Variants in DOCK10 observed in about 807,000 individuals in gnomAD.
The protein encoded by DOCK10 is dedicator of cytokinesis 10.
In DOCK10, 145 loss-of-function variants were observed where a neutral mutation model predicts 280.1. The ratio of observed to expected loss-of-function variants is 0.52; its 90% CI spans 0.45 to 0.59. The LOEUF (loss-of-function observed/expected upper bound fraction) is 0.59, where lower values mean the gene tolerates loss of function less well. Ranked by LOEUF, DOCK10 falls within the 20% of genes least tolerant of loss-of-function variation. The pLI, the probability that DOCK10 is intolerant of heterozygous loss-of-function variation, is 0.00. For missense variants in DOCK10, 2,368 were observed against 2,651.7 expected (o/e 0.89, Z 2.35); for synonymous variants, 915 against 942.2 (o/e 0.97, Z 0.53).
At chr2:225,020,835 C>A (rs1689765046) in intron 1 of DOCK10, among the ~76,000 whole-genome samples, 1 of 152,214 alleles carries the variant, frequency 6.6e-6, no homozygotes, top group Non-Finnish European at 1.5e-5. Context: ...CACACACACA[C>A]ACATGCCCTC....
chr2:224,765,832 C>T lies in DOCK10; in HGVS notation c.6450G>A (p.Thr2150=), dbSNP rs754401157. The T allele has an allele frequency of 1.2e-5, 19 of 1,612,698 alleles. No individual in the cohort carries two copies. The highest frequency in any genetic ancestry group is 6.7e-5 in the East Asian group (3 of 44,848). ...CGCGCTTTGACAGGTCGTCCCTGCC[C>T]GTAATCTTAAAACAGGGAAAAACAC... ...ELSTVMNEQI[T]GRDDLSKRGV... Residue 2150 remains threonine, a synonymous_variant, in exon 56 of 56, where the codon ACG becomes ACA. Coordinates refer to ENST00000258390, the MANE Select transcript of DOCK10 (RefSeq NM_014689.3).
chr2:224,921,096 A>ATATATATATAT (rs1480408193), intron 2 of DOCK10, among the ~76,000 whole-genome samples: 3 of 29,972 alleles, frequency 1.0e-4, no homozygotes, highest in South Asian at 7.6e-4. Flanking sequence ...CTCTATTAAA[A>ATATATATATAT]AAAAAAAAAA....
At chr2:224,941,807 G>A (rs1403529463) in intron 1 of DOCK10, among the ~76,000 whole-genome samples, 1 of 147,328 alleles carries the variant, frequency 6.8e-6, no homozygotes, top group African/African-American at 2.5e-5. Flanking sequence ...TCTCATCACT[G>A]TAATCCAGCC....
intron 27 of DOCK10, among the ~76,000 whole-genome samples, chr2:224,824,406 G>A (rs898251116): frequency 2.8e-5 from 4 of 144,128 alleles, no homozygotes; most frequent in Admixed American, 2.7e-4. Flanking sequence ...TGAGGCAGCC[G>A]AGTTCTTCCA....
chr2:225,025,121 G>T (rs1437284031), intron 1 of DOCK10, among the ~76,000 whole-genome samples: 2 of 152,182 alleles, frequency 1.3e-5, no homozygotes, highest in Non-Finnish European at 2.9e-5. Context: ...TTAAGCAGGT[G>T]CCCAGTGCAA....
At chr2:224,829,070 C>T (rs181904965) in intron 27 of DOCK10, among the ~76,000 whole-genome samples, 172 of 152,242 alleles carry the variant, frequency 1.1e-3, no homozygotes, top group Non-Finnish European at 2.1e-3. Context: ...CAATTCTTCT[C>T]CAAAGGGCCC....
chr2:225,009,154 G>T (rs554035993), intron 1 of DOCK10, among the ~76,000 whole-genome samples: 25 of 152,224 alleles, frequency 1.6e-4, no homozygotes, highest in African/African-American at 5.3e-4. Flanking sequence ...GAAAAACCAG[G>T]GTCGACGCCT....
Position 224,797,093 on chromosome 2 carries a change from G to GT in DOCK10, c.4697dup (p.Tyr1566Ter). 6.2e-7 allele frequency: 1 copy of GT among 1,613,394 alleles called. No homozygotes were observed. Among genetic ancestry groups the GT allele is most frequent in the Non-Finnish European group, 8.5e-7 (1 of 1,179,610 alleles). The change falls in exon 43 of 56, where the codon TAC becomes TAAC. Residue 1566 changes from tyrosine (Y) to a stop codon, truncating the protein, a stop_gained and frameshift_variant. Transcript: ENST00000258390. LOFTEE classifies it high-confidence loss of function. ...TGTGGTTACAGCATTTTAGGACTTCGTAACAGAATGATCCACAGAGGTCAG... is the reference window on the plus strand; with the variant it reads ...TGTGGTTACAGCATTTTAGGACTTCGTTAACAGAATGATCCACAGAGGTCAG... ...GPADLCGSFC[Y>*]EVLKCCNHRS...
chr2:225,031,862 AAG>A (rs1690087637), intron 1 of DOCK10, among the ~76,000 whole-genome samples: 1 of 152,212 alleles, frequency 6.6e-6, no homozygotes, highest in Admixed American at 6.5e-5. Context: ...ATAAGGTCAG[AAG>A]AACCTGACTT....
chr2:224,793,332 C>T lies in DOCK10; in HGVS notation c.5212+68G>A, dbSNP rs929216868. The T allele has an allele frequency of 2.5e-5, 31 of 1,261,998 alleles. 1 individual carries two copies. Among genetic ancestry groups the T allele is most frequent in the South Asian group, 2.2e-4 (17 of 76,044 alleles). 78.2% of individuals were successfully genotyped at this position (1,261,998 alleles called of 1,614,324 possible). The stretch of plus-strand genomic sequence containing the variant: ...AGATTAATAAAATGTAAAATTAATA[C>T]ATTATTTCTATTAGGCTTCAATGTG... On this transcript the variant is annotated intron_variant, in intron 46 of 55. Transcript: ENST00000258390.
intron 1 of DOCK10, among the ~76,000 whole-genome samples, chr2:225,027,920 A>G (rs1689960854): frequency 1.3e-5 from 2 of 152,220 alleles, no homozygotes; most frequent in Admixed American, 1.3e-4. Context: ...AGAGGGTTAG[A>G]TTTAAGAACT....
chr2:224,920,945 C>A (rs1701668714), intron 2 of DOCK10, among the ~76,000 whole-genome samples: 1 of 150,784 alleles, frequency 6.6e-6, no homozygotes, highest in Non-Finnish European at 1.5e-5. Context: ...ACTACGATCA[C>A]TGCTCTGTGA....
chr2:224,956,588 C>T (rs138074874), intron 1 of DOCK10, among the ~76,000 whole-genome samples: 1,501 of 141,936 alleles, frequency 0.011, 27 homozygotes, highest in African/African-American at 0.036. Context: ...TGCACCACTG[C>T]GCTCCAGCCT....
Position 224,797,862 on chromosome 2 carries a change from C to A in DOCK10, c.4614G>T (p.Val1538=). 6.2e-7 allele frequency: 1 copy of A among 1,613,788 alleles called. No homozygotes were observed. Among genetic ancestry groups the A allele is most frequent in the Non-Finnish European group, 8.5e-7 (1 of 1,179,770 alleles). ...VNQSATALKH[V]FASLRLFVCK... The stretch of plus-strand genomic sequence containing the variant: ...ATACAAACAGTCTCAAGGAGGCAAA[C>A]ACATGCTTCAGCGCTGTGGCTGACT... The change falls in exon 42 of 56, where the codon GTG becomes GTT. Residue 1538 remains valine (V), a synonymous_variant. Coordinates refer to ENST00000258390, the MANE Select transcript of DOCK10 (RefSeq NM_014689.3).
intron 1 of DOCK10, among the ~76,000 whole-genome samples, chr2:224,997,319 C>T (rs765399537): frequency 1.2e-4 from 19 of 152,010 alleles, no homozygotes; most frequent in Admixed American, 3.9e-4. Context: ...GCATCCTCTG[C>T]CTCCCGGGTT....
In DOCK10 at chr2:224,844,783, C is replaced by T. The variant is rs117224814; in HGVS notation, c.2538G>A (p.Ser846=). 35 of 1,603,064 alleles carry T rather than the reference C, an allele frequency of 2.2e-5. No homozygotes were observed. The highest frequency in any genetic ancestry group is 9.0e-5 in the East Asian group (4 of 44,688). Residue 846 remains serine, a synonymous_variant, in exon 22 of 56, where the codon TCG becomes TCA. Coordinates refer to ENST00000258390, the MANE Select transcript of DOCK10 (RefSeq NM_014689.3). ...TATTTACTGTTGATACAACAAATGTCGACACTTTGAAAAGTGGTTTGCCAC... is the reference window on the plus strand; with the variant it reads ...TATTTACTGTTGATACAACAAATGTTGACACTTTGAAAAGTGGTTTGCCAC... ...VDGGKPLFKV[S]TFVVSTVNTQ...
At chr2:224,817,343 C>T (rs1026031922) in intron 29 of DOCK10, among the ~76,000 whole-genome samples, 2 of 152,166 alleles carry the variant, frequency 1.3e-5, no homozygotes, top group Non-Finnish European at 2.9e-5. Flanking sequence ...GAAAAATAAG[C>T]ATGTTCCTGA....
intron 18 of DOCK10, among the ~76,000 whole-genome samples, chr2:224,851,458 T>TTA (rs1553596299): frequency 0.01 from 1,464 of 139,452 alleles, 31 homozygotes; most frequent in African/African-American, 0.037. Context: ...TTTTTTTTTT[T>TTA]AAAAAAAAAA....
chr2:224,934,301 A>T (rs1266604904), intron 1 of DOCK10, among the ~76,000 whole-genome samples: 1 of 152,174 alleles, frequency 6.6e-6, no homozygotes, highest in South Asian at 2.1e-4. Context: ...TTATTTTGAC[A>T]TGGAACTGCA....
Sources: allele counts gnomAD v4.1 joint callset (sites outside exome capture counted in the v4.1 genomes callset), GRCh38; gene constraint gnomAD v4.1.1; transcripts MANE v1.5; gene names NCBI Gene and HGNC (gene_info 2026-07-23, HGNC 2026-07-21).